Variants in PLD5 observed in about 807,000 individuals in gnomAD.
PLD5 encodes the protein inactive phospholipase D5.
In PLD5, 36 loss-of-function variants were observed where a neutral mutation model predicts 61.1. That is an observed-to-expected ratio of 0.59 (90% CI 0.45 to 0.78). The LOEUF (loss-of-function observed/expected upper bound fraction) is 0.78, where lower values mean the gene tolerates loss of function less well. PLD5 is among the 30% of genes least tolerant of loss of function. The probability of loss-of-function intolerance (pLI) is 0.00; values close to 1 mark genes in which losing one functional copy is unlikely to be tolerated. For missense variants in PLD5, 515 were observed against 644.4 expected (o/e 0.80, Z 2.17); for synonymous variants, 243 against 242.8 (o/e 1.00, Z -0.01).
At position 242,422,660 on chromosome 1, in the gene PLD5, C is replaced by A. The variant is rs1463531880; in HGVS notation, c.190-74418G>T. 2.0e-5 allele frequency among the ~76,000 whole-genome samples: 3 copies of A among 152,202 alleles called. No individual in the cohort carries two copies. In the East Asian group the frequency reaches 5.8e-4, roughly 30 times the overall value. On this transcript the variant is annotated intron_variant, in intron 1 of 9. Coordinates refer to ENST00000536534, the MANE Select transcript of PLD5 (RefSeq NM_001372062.1). ...ATAACAACAGAATCTGGACACCTGG[C>A]GTCCACAAAACGGGACTGAGAACAC...
rs902332687 is a variant in PLD5 at position 242,506,436 on chromosome 1, G to A, written c.189+17652C>T. Among the ~76,000 whole-genome samples the A allele has an allele frequency of 2.0e-5, 3 of 152,100 alleles. No individual in the cohort carries two copies. In the South Asian group the frequency reaches 6.2e-4, roughly 32 times the overall value. On this transcript the variant is annotated intron_variant, in intron 1 of 9. Transcript: ENST00000536534. ...AGCAGCTCAGGATTGAGCCCAGGCC[G>A]ACTCTGTTGAAACTATACATACTAG...
At chr1:242,288,811 G>A (rs1451544581) in intron 2 of PLD5, among the ~76,000 whole-genome samples, 7 of 152,022 alleles carry the variant, frequency 4.6e-5, no homozygotes, top group African/African-American at 1.7e-4. Flanking sequence ...AATCTAGCCT[G>A]GAAAAAAAAT....
chr1:242,113,950 T>C lies in PLD5; in HGVS notation c.1010A>G (p.Lys337Arg). 7 of 1,614,146 alleles carry C rather than the reference T, an allele frequency of 4.3e-6. No homozygotes were observed. Among genetic ancestry groups the C allele is most frequent in the East Asian group, 4.5e-5 (2 of 44,872 alleles). Residue 337 changes from lysine to arginine, a missense_variant, in exon 7 of 10, where the codon AAG becomes AGG. By Grantham distance (26) the Lys-to-Arg change is conservative. Coordinates refer to ENST00000536534, the MANE Select transcript of PLD5 (RefSeq NM_001372062.1). The stretch of plus-strand genomic sequence containing the variant: ...CATGACAGCGATGTACACATACTGC[T>C]TGGCATCATCTATCACACTGTAGAT... ...DAIYSVIDDA[K>R]QYVYIAVMDY...
At chr1:242,252,753 A>T (rs917411731) in intron 4 of PLD5, among the ~76,000 whole-genome samples, 1 of 151,846 alleles carries the variant, frequency 6.6e-6, no homozygotes, top group African/African-American at 2.4e-5. Flanking sequence ...CCTCGGAATT[A>T]TAAGGACTTT....
chr1:242,127,463 C>T (rs1662885736), intron 5 of PLD5, among the ~76,000 whole-genome samples: 1 of 152,156 alleles, frequency 6.6e-6, no homozygotes, highest in South Asian at 2.1e-4. Flanking sequence ...TGTTGGAATA[C>T]TACTCAGCCA....
intron 4 of PLD5, among the ~76,000 whole-genome samples, chr1:242,222,063 A>G (rs10926659): frequency 0.3 from 46,029 of 151,734 alleles, 7,263 homozygotes; most frequent in East Asian, 0.53. Flanking sequence ...TTCATCTCTG[A>G]GGTTTCTCGG....
At chr1:242,257,582 G>A (rs907991561) in intron 4 of PLD5, among the ~76,000 whole-genome samples, 1 of 152,246 alleles carries the variant, frequency 6.6e-6, no homozygotes, top group Non-Finnish European at 1.5e-5. Context: ...TAATAACAAC[G>A]TACAAGATTA....
chr1:242,152,927 G>A (rs992905479), intron 5 of PLD5, among the ~76,000 whole-genome samples: 8 of 152,104 alleles, frequency 5.3e-5, no homozygotes, highest in South Asian at 2.1e-4. Context: ...TTGAGGAATC[G>A]CCACACTGTC....
chr1:242,201,309 A>T (rs148817154), intron 5 of PLD5, among the ~76,000 whole-genome samples: 191 of 152,328 alleles, frequency 1.3e-3, no homozygotes, highest in African/African-American at 4.6e-3. Context: ...ATGCAGAATG[A>T]TTTATGGGCA....
rs548922716 is a variant in PLD5, at chr1:242,271,157, T to G, written c.496-5709A>C. ...GCCTGAATATCAAATGCAAGAAATA[T>G]CTCAAAGTACACATGTGCATGTACA... is the stretch of plus-strand genomic sequence containing the variant. On this transcript the variant is annotated intron_variant, in intron 3 of 9. Coordinates refer to ENST00000536534, the MANE Select transcript of PLD5 (RefSeq NM_001372062.1). Among the ~76,000 whole-genome samples, 96 of 148,786 alleles carry G rather than the reference T, an allele frequency of 6.5e-4. 1 individual carries two copies. Among genetic ancestry groups the G allele is most frequent in the South Asian group, 1.7e-3 (8 of 4,716 alleles).
chr1:242,351,285 T>C (rs1660464345), intron 1 of PLD5, among the ~76,000 whole-genome samples: 1 of 152,180 alleles, frequency 6.6e-6, no homozygotes, highest in African/African-American at 2.4e-5. Context: ...AAGAAATAAT[T>C]ATTGTATAAA....
intron 4 of PLD5, among the ~76,000 whole-genome samples, chr1:242,237,395 G>A (rs1333539395): frequency 1.3e-5 from 2 of 152,168 alleles, no homozygotes; most frequent in Non-Finnish European, 2.9e-5. Context: ...TTGCATCTCA[G>A]CTCCAAATCT....
chr1:242,302,885 G>A (rs1182115529), intron 2 of PLD5, among the ~76,000 whole-genome samples: 1 of 152,092 alleles, frequency 6.6e-6, no homozygotes, highest in East Asian at 1.9e-4. Flanking sequence ...GAAGGGTAAA[G>A]GGAAATTTTT....
chr1:242,487,869 TTG>T (rs1668014950), intron 1 of PLD5, among the ~76,000 whole-genome samples: 2 of 152,292 alleles, frequency 1.3e-5, no homozygotes, highest in African/African-American at 2.4e-5. Context: ...ATTTTGTAGG[TTG>T]TTTTTATGTG....
intron 1 of PLD5, among the ~76,000 whole-genome samples, chr1:242,484,007 C>T (rs900510292): frequency 6.6e-6 from 1 of 152,132 alleles, no homozygotes; most frequent in African/African-American, 2.4e-5. Context: ...TTCTTTGAAA[C>T]CAATGAGAAC....
At chr1:242,178,597 G>A (rs551161272) in intron 5 of PLD5, among the ~76,000 whole-genome samples, 3 of 152,266 alleles carry the variant, frequency 2.0e-5, no homozygotes, top group South Asian at 4.1e-4. Context: ...TGATTCTGTC[G>A]AGAGAGAAGG....
intron 5 of PLD5, among the ~76,000 whole-genome samples, chr1:242,173,827 G>A (rs1190413118): frequency 6.6e-6 from 1 of 151,288 alleles, no homozygotes; most frequent in South Asian, 2.1e-4. Context: ...AATGGTGCTG[G>A]GAAAACTGGC....
intron 1 of PLD5, among the ~76,000 whole-genome samples, chr1:242,381,383 G>A (rs950760852): frequency 6.6e-6 from 1 of 152,092 alleles, no homozygotes; most frequent in Non-Finnish European, 1.5e-5. Flanking sequence ...CACACACTAG[G>A]GCCTATAGGT....
At chr1:242,231,703 A>G (rs993936607) in intron 4 of PLD5, among the ~76,000 whole-genome samples, 5 of 152,230 alleles carry the variant, frequency 3.3e-5, no homozygotes, top group African/African-American at 1.2e-4. Context: ...ATGAGCTTAG[A>G]AATTTTTAAA....
Sources: allele counts gnomAD v4.1 joint callset (sites outside exome capture counted in the v4.1 genomes callset), GRCh38; gene constraint gnomAD v4.1.1; transcripts MANE v1.5; gene names NCBI Gene and HGNC (gene_info 2026-07-23, HGNC 2026-07-21).